OGDHL: variants seen among roughly 807,000 people sequenced by gnomAD.
OGDHL encodes the protein 2-oxoglutarate dehydrogenase-like, mitochondrial.
A neutral mutation model predicts 109.6 loss-of-function variants in OGDHL; 79 were observed. The ratio of observed to expected loss-of-function variants is 0.72; its 90% CI spans 0.60 to 0.87. OGDHL has a LOEUF of 0.87. OGDHL is among the 40% of genes least tolerant of loss of function. The pLI is 0.00. For missense variants in OGDHL, 1,275 were observed against 1,362.2 expected, an observed-to-expected ratio of 0.94 and a Z score of 1.01; for synonymous variants, 528 against 537.2, an observed-to-expected ratio of 0.98 and a Z score of 0.24.
At chr10:49,739,619 G>A (rs374157425) in intron 17 of OGDHL, 42 bp downstream of exon 17, 59 of 1,596,684 alleles carry the variant, frequency 3.7e-5, no homozygotes, top group East Asian at 8.9e-5. Flanking sequence ...TTCAAGGCCC[G>A]CCAGAACCCA....
chr10:49,735,156 C>T lies in OGDHL; in HGVS notation c.*72G>A. 6.4e-7 allele frequency: 1 copy of T among 1,560,544 alleles called. No individual in the cohort carries two copies. The highest frequency in any genetic ancestry group is 8.7e-7 in the Non-Finnish European group (1 of 1,154,048). The stretch of plus-strand genomic sequence containing the variant: ...GCCCCTCTCCTGGGCAGGAGCTCCG[C>T]CCCTCCCCTTTTCATCACCCCCTTG... On this transcript the variant is annotated 3_prime_UTR_variant, in exon 23 of 23. Coordinates refer to ENST00000374103, the MANE Select transcript of OGDHL (RefSeq NM_018245.3).
chr10:49,747,911 G>C (rs1842307463), intron 8 of OGDHL, among the ~76,000 whole-genome samples: 1 of 152,192 alleles, frequency 6.6e-6, no homozygotes, highest in African/African-American at 2.4e-5. Context: ...TGGCTCAAAA[G>C]CATGTGAAAA....
intron 15 of OGDHL, among the ~76,000 whole-genome samples, chr10:49,742,456 CGCACCACACACACCCCCT>C (rs1841833793): frequency 3.0e-5 from 4 of 134,118 alleles, no homozygotes; most frequent in Non-Finnish European, 3.2e-5. Flanking sequence ...ACCACACACA[CGCACCACACACACCCCCT>C]ATACACTCCC....
At chr10:49,751,242 C>T (rs553390373) in intron 6 of OGDHL, among the ~76,000 whole-genome samples, 5 of 152,222 alleles carry the variant, frequency 3.3e-5, no homozygotes, top group Middle Eastern at 3.4e-3. Context: ...TCCCAGCTGC[C>T]GCCCTCTCTC....
chr10:49,748,735 T>A (rs1467132532), intron 8 of OGDHL, among the ~76,000 whole-genome samples: 1 of 124,660 alleles, frequency 8.0e-6, no homozygotes, highest in Non-Finnish European at 1.7e-5. Flanking sequence ...AGCCAGTAGG[T>A]ATGGGTCCAC....
At chr10:49,757,426 T>C (rs1842982324) in intron 2 of OGDHL, among the ~76,000 whole-genome samples, 2 of 152,230 alleles carry the variant, frequency 1.3e-5, no homozygotes, top group African/African-American at 4.8e-5. Context: ...GGAGACTCAG[T>C]TGGTACAATC....
At chr10:49,742,202 C>A (rs1166763703) in intron 15 of OGDHL, among the ~76,000 whole-genome samples, 3 of 139,726 alleles carry the variant, frequency 2.1e-5, no homozygotes, top group Non-Finnish European at 4.6e-5. Flanking sequence ...ACCCCACACA[C>A]ATACGCACAC....
chr10:49,742,286 CCA>C (rs770307853), intron 15 of OGDHL, among the ~76,000 whole-genome samples: 50 of 134,830 alleles, frequency 3.7e-4, no homozygotes, highest in Non-Finnish European at 4.2e-4. Context: ...ACAACACACA[CCA>C]CACACACCAC....
At position 49,758,474 on chromosome 10, in the gene OGDHL, A is replaced by G. The variant is rs762290449; in HGVS notation, c.119T>C (p.Phe40Ser). The stretch of plus-strand genomic sequence containing the variant: ...GCCGCCTCCACCTTTGCTGCTTGGG[A>G]AGGTGGCCGGTGGCCCGGAGGACCT... ...RSRSSGPPAT[F>S]PSSKGGGGSS... The change falls in exon 2 of 23, where the codon TTC becomes TCC. Residue 40 changes from phenylalanine to serine, a missense_variant. By Grantham distance (155) the Phe-to-Ser change is radical. Coordinates refer to ENST00000374103, the MANE Select transcript of OGDHL (RefSeq NM_018245.3). The G allele has an allele frequency of 1.2e-6, 2 of 1,613,812 alleles. No homozygotes were observed. The highest frequency in any genetic ancestry group is 4.5e-5 in the East Asian group (2 of 44,884).
At position 49,744,867 on chromosome 10, in the gene OGDHL, G is replaced by A. The variant is rs1842061717; in HGVS notation, c.1630-115C>T. On this transcript the variant is annotated intron_variant, in intron 12 of 22. Coordinates refer to ENST00000374103, the MANE Select transcript of OGDHL (RefSeq NM_018245.3). ...TCACCAAGTTCTTCTAGAACTCTCT[G>A]TCTCTGGCCTATAGGGACCTCATGG... 9 of 829,502 alleles carry A rather than the reference G, an allele frequency of 1.1e-5. No individual in the cohort carries two copies. In the South Asian group the frequency reaches 1.4e-4, roughly 13 times the overall value. 51.4% of individuals were successfully genotyped at this position (829,502 alleles called of 1,614,324 possible).
intron 18 of OGDHL, 58 bp from the exon 19 acceptor site, chr10:49,738,130 C>A: frequency 1.9e-6 from 3 of 1,614,028 alleles, no homozygotes; most frequent in South Asian, 2.2e-5. Context: ...ACACCCTGGA[C>A]CCCTAGCCCT....
intron 14 of OGDHL, 187 bp downstream of exon 14, chr10:49,743,807 G>T: frequency 1.6e-6 from 1 of 628,154 alleles, no homozygotes; most frequent in Non-Finnish European, 2.6e-6. Context: ...TGCCCAGCTC[G>T]CCACGCCCAC....
intron 1 of OGDHL, among the ~76,000 whole-genome samples, chr10:49,760,135 G>A (rs1843181185): frequency 6.6e-6 from 1 of 152,246 alleles, no homozygotes; most frequent in African/African-American, 2.4e-5. Context: ...AGGCTCCTGG[G>A]GCAACCAGCA....
At position 49,736,185 on chromosome 10, in the gene OGDHL, G is replaced by A. The variant is rs1050893557; in HGVS notation, c.2755-8C>T. The A allele has an allele frequency of 6.3e-7, 1 of 1,581,468 alleles. No individual in the cohort carries two copies. Among genetic ancestry groups the A allele is most frequent in the Non-Finnish European group, 8.6e-7 (1 of 1,163,638 alleles). ...GAAGGGGAATGGAGAGATCTGGGGA[G>A]GCAGAAACAAAGGAGCATAGCCAGA... On this transcript the variant is annotated splice_region_variant and splice_polypyrimidine_tract_variant and intron_variant, in intron 21 of 22. Transcript: ENST00000374103.
At chr10:49,752,078 T>C (rs952741181) in intron 5 of OGDHL, 55 bp downstream of exon 5, 12 of 1,609,246 alleles carry the variant, frequency 7.5e-6, no homozygotes, top group African/African-American at 4.0e-5. Flanking sequence ...TCCCGTCCTC[T>C]GGCAAGCTCC....
intron 6 of OGDHL, 46 bp downstream of exon 6, chr10:49,751,781 C>T: frequency 6.3e-7 from 1 of 1,599,566 alleles, no homozygotes; most frequent in Non-Finnish European, 8.5e-7. Context: ...CTCATAGAGC[C>T]CTGGAGCAGG....
At position 49,735,330 on chromosome 10, in the gene OGDHL, C is replaced by G. The variant is rs113014306; in HGVS notation, c.2931G>C (p.Ala977=). The G allele has an allele frequency of 6.2e-7, 1 of 1,613,470 alleles. No homozygotes were observed. The highest frequency in any genetic ancestry group is 1.7e-5 in the Admixed American group (1 of 60,014). ...TCCTGTTTCCTGTGGCTGGTGCAGC[C>G]GCTGGGTCCCGGCCAACATACCTGG... ...RPIWYVGRDP[A]AAPATGNRNT... is the part of the protein sequence containing the mutation. The change falls in exon 23 of 23, where the codon GCG becomes GCC. Residue 977 remains alanine, a synonymous_variant. Transcript: ENST00000374103.
chr10:49,738,425 A>C, intron 17 of OGDHL, 163 bp from the exon 18 acceptor site: 1 of 668,490 alleles, frequency 1.5e-6, no homozygotes, highest in Non-Finnish European at 2.6e-6. Flanking sequence ...GTGGAACAAG[A>C]GCAGAATGGG....
At chr10:49,745,668 TTGG>T (rs1345287586) in intron 11 of OGDHL, 127 bp downstream of exon 11, 2 of 1,308,022 alleles carry the variant, frequency 1.5e-6, no homozygotes, top group African/African-American at 1.5e-5. Flanking sequence ...CAGATTGCTC[TTGG>T]TGGCATAAAT....
Sources: gnomAD v4.1 joint callset for allele counts (sites outside exome capture counted in the v4.1 genomes callset) on GRCh38, gnomAD v4.1.1 for gene constraint, MANE v1.5 for transcripts, NCBI Gene and HGNC (gene_info 2026-07-23, HGNC 2026-07-21) for gene names.